Variants in DNAH8 observed in about 807,000 individuals in gnomAD.
The protein encoded by DNAH8 is dynein axonemal heavy chain 8.
A neutral mutation model predicts 562.1 loss-of-function variants in DNAH8; 382 were observed. The observed-to-expected ratio is 0.68, with a 90% confidence interval of 0.63 to 0.74. DNAH8 has a LOEUF of 0.74. DNAH8 is among the 30% of genes least tolerant of loss of function. The pLI, the probability that DNAH8 is intolerant of heterozygous loss-of-function variation, is 0.00. For missense variants in DNAH8, 5,203 were observed against 5,620.4 expected, an observed-to-expected ratio of 0.93 and a Z score of 2.37; for synonymous variants, 1,881 against 1,919.4, an observed-to-expected ratio of 0.98 and a Z score of 0.52.
chr6:38,836,629 G>A (rs1678734), intron 32 of DNAH8, among the ~76,000 whole-genome samples: 31,217 of 151,662 alleles, frequency 0.21, 3,937 homozygotes, highest in African/African-American at 0.35. Context: ...ACTTCACTGG[G>A]ATATGTGACT....
At chr6:38,888,424 T>G (rs1282301763) in intron 57 of DNAH8, among the ~76,000 whole-genome samples, 2 of 151,514 alleles carry the variant, frequency 1.3e-5, no homozygotes, top group African/African-American at 4.8e-5. Context: ...TTCTCTTCAT[T>G]AAAAAATAAC....
At chr6:39,009,010 T>A in intron 89 of DNAH8, 40 bp downstream of exon 89, 1 of 1,452,668 alleles carries the variant, frequency 6.9e-7, no homozygotes, top group Non-Finnish European at 9.5e-7. Context: ...CAGGGCTATT[T>A]GTATATTTAA....
chr6:38,733,427 C>T (rs1398163492), intron 4 of DNAH8, among the ~76,000 whole-genome samples: 2 of 152,032 alleles, frequency 1.3e-5, no homozygotes, highest in Non-Finnish European at 2.9e-5. Context: ...ACTGGACCTT[C>T]TTGGGGGAGT....
chr6:38,733,042 C>T (rs1763778114), intron 4 of DNAH8, among the ~76,000 whole-genome samples: 1 of 152,088 alleles, frequency 6.6e-6, no homozygotes, highest in Non-Finnish European at 1.5e-5. Flanking sequence ...GCACATGCCA[C>T]CACATCTGGC....
Position 38,860,594 on chromosome 6 carries a change from T to C in DNAH8, c.6096T>C (p.Cys2032=). ...TTTACCAAAATGAATTTCTGGGATG[T>C]ACTGATCGTCTTGTTATCACTCCAT... ...DFIYQNEFLG[C]TDRLVITPLT... Residue 2032 remains cysteine, a synonymous_variant, in exon 43 of 93, where the codon TGT becomes TGC. Transcript: ENST00000327475. The C allele has an allele frequency of 6.5e-7, 1 of 1,546,434 alleles. No individual in the cohort carries two copies. Among genetic ancestry groups the C allele is most frequent in the Non-Finnish European group, 8.6e-7 (1 of 1,156,916 alleles).
chr6:39,030,609 T>A lies in DNAH8; in HGVS notation c.*217T>A, dbSNP rs542650993. On this transcript the variant is annotated 3_prime_UTR_variant, in exon 93 of 93. Transcript: ENST00000327475. Reference sequence around the variant, plus strand: ...AATGAATGTTTTTTATTCTGGGAAATCATATTTCACTATAATTACTTTTTA... The same window carrying A: ...AATGAATGTTTTTTATTCTGGGAAAACATATTTCACTATAATTACTTTTTA... 1.5e-4 allele frequency: 74 copies of A among 498,966 alleles called. 1 individual carries two copies. The highest frequency in any genetic ancestry group is 6.1e-4 in the South Asian group (20 of 32,892). 30.9% of individuals were successfully genotyped at this position (498,966 alleles called of 1,614,324 possible).
In DNAH8 at chr6:38,803,212, C is replaced by T. The variant is rs771663428; in HGVS notation, c.2935C>T (p.His979Tyr). ...AAAAGAATGGGCTGACATTCTAAAC[C>T]ACAAAAGTAAGCATGTGGAAGAAGC... Reference protein sequence around the residue: ...YTKEWADILNHKSKHVEEAVR... With the variant: ...YTKEWADILNYKSKHVEEAVR... Residue 979 changes from histidine (H) to tyrosine (Y), a missense_variant, in exon 22 of 93, where the codon CAC (histidine) becomes TAC (tyrosine). Coordinates refer to ENST00000327475, the MANE Select transcript of DNAH8 (RefSeq NM_001206927.2). 1 of 1,606,078 alleles carries T rather than the reference C, an allele frequency of 6.2e-7. No homozygotes were observed. Among genetic ancestry groups the T allele is most frequent in the East Asian group, 2.2e-5 (1 of 44,522 alleles).
intron 12 of DNAH8, among the ~76,000 whole-genome samples, chr6:38,772,724 T>C (rs879543419): frequency 6.6e-6 from 1 of 152,092 alleles, no homozygotes; most frequent in Non-Finnish European, 1.5e-5. Context: ...ATTTATCATG[T>C]TTTTCTTTTG....
chr6:38,886,720 A>T, intron 56 of DNAH8, 71 bp from the exon 57 acceptor site: 1 of 1,153,262 alleles, frequency 8.7e-7, no homozygotes, highest in Non-Finnish European at 1.3e-6. Context: ...TCTCATTTGT[A>T]CTATTTTATT....
intron 87 of DNAH8, among the ~76,000 whole-genome samples, chr6:38,987,153 C>A (rs985345283): frequency 6.6e-6 from 1 of 152,170 alleles, no homozygotes; most frequent in Non-Finnish European, 1.5e-5. Context: ...ACAGTGGCAA[C>A]GGAAAGCTGC....
In DNAH8 at chr6:38,803,170, A is replaced by C. The variant is rs781254209; in HGVS notation, c.2902-9A>C. On this transcript the variant is annotated splice_polypyrimidine_tract_variant and intron_variant, in intron 21 of 92. Transcript: ENST00000327475. Reference sequence around the variant, plus strand: ...TCTGGAAAATAATAGTCATTTCTTTATTTAACAGACATACACAAAAGAATG... The same window carrying C: ...TCTGGAAAATAATAGTCATTTCTTTCTTTAACAGACATACACAAAAGAATG... The C allele has an allele frequency of 4.0e-5, 63 of 1,567,820 alleles. No individual in the cohort carries two copies. The highest frequency in any genetic ancestry group is 1.6e-4 in the South Asian group (13 of 80,854).
At chr6:38,805,698 C>G in intron 23 of DNAH8, 102 bp downstream of exon 23, 1 of 613,678 alleles carries the variant, frequency 1.6e-6, no homozygotes, top group Non-Finnish European at 2.8e-6. Flanking sequence ...TGCAACCAAT[C>G]TAATTTCTAA....
chr6:38,872,488 C>T, intron 49 of DNAH8, 48 bp from the exon 50 acceptor site: 1 of 1,585,712 alleles, frequency 6.3e-7, no homozygotes, highest in Admixed American at 1.7e-5. Context: ...TGAATGTCAG[C>T]AAGAGACTCA....
intron 74 of DNAH8, among the ~76,000 whole-genome samples, chr6:38,926,808 T>C (rs1482160064): frequency 6.6e-6 from 1 of 152,206 alleles, no homozygotes; most frequent in Non-Finnish European, 1.5e-5. Context: ...CCAAAATGTC[T>C]TTCTCTACCT....
intron 32 of DNAH8, among the ~76,000 whole-genome samples, chr6:38,836,903 T>C (rs1354080214): frequency 6.6e-6 from 1 of 152,146 alleles, no homozygotes; most frequent in South Asian, 2.1e-4. Flanking sequence ...AAAAAAAAGG[T>C]GAGTGATTAG....
intron 82 of DNAH8, among the ~76,000 whole-genome samples, chr6:38,968,160 A>G (rs1370976697): frequency 1.3e-5 from 2 of 152,212 alleles, no homozygotes; most frequent in Non-Finnish European, 2.9e-5. Context: ...TCAATCAGAG[A>G]CTTAACTGTA....
Position 38,850,234 on chromosome 6 carries a change from T to G in DNAH8, c.5200-17T>G. ...TATCCAAATGCTAATCTTTACTGGC[T>G]ATGGATGCATTTTCAGGAAGCAAAA... On this transcript the variant is annotated splice_polypyrimidine_tract_variant and intron_variant, in intron 37 of 92. Transcript: ENST00000327475. 2 of 1,611,396 alleles carry G rather than the reference T, an allele frequency of 1.2e-6. No individual in the cohort carries two copies. The highest frequency in any genetic ancestry group is 1.7e-6 in the Non-Finnish European group (2 of 1,178,472).
chr6:38,788,095 T>C (rs1769346557), intron 18 of DNAH8, among the ~76,000 whole-genome samples: 1 of 152,050 alleles, frequency 6.6e-6, no homozygotes, highest in Non-Finnish European at 1.5e-5. Flanking sequence ...TCTATTCCTG[T>C]GGTACAACAT....
intron 52 of DNAH8, among the ~76,000 whole-genome samples, chr6:38,873,705 A>C (rs1224301194): frequency 2.0e-5 from 3 of 148,838 alleles, no homozygotes; most frequent in Admixed American, 6.7e-5. Context: ...TTTTAAAATA[A>C]ATAAAAAATA....
Sources: gnomAD v4.1 joint callset for allele counts (sites outside exome capture counted in the v4.1 genomes callset) on GRCh38, gnomAD v4.1.1 for gene constraint, MANE v1.5 for transcripts, NCBI Gene and HGNC (gene_info 2026-07-23, HGNC 2026-07-21) for gene names.